The following LRRC37A variants were observed in gnomAD, a reference collection of about 807,000 sequenced individuals.
LRRC37A encodes leucine rich repeat containing 37A.
Under a neutral mutation model 35.4 loss-of-function variants are expected in LRRC37A, and 3 were observed. That is an observed-to-expected ratio of 0.08 (90% CI 0.04 to 0.22). The LOEUF (loss-of-function observed/expected upper bound fraction) is 0.22. Among genes scored for constraint, LRRC37A ranks in the 10% least tolerant of loss-of-function variants. The pLI, the probability that LRRC37A is intolerant of heterozygous loss-of-function variation, is 1.00. For missense variants in LRRC37A, 67 were observed against 565.3 expected (o/e 0.12, Z 8.94); for synonymous variants, 23 against 215.0 (o/e 0.11, Z 7.81).
At chr17:46,248,341 T>C in the LRRC37A span, among the ~76,000 whole-genome samples, 1 of 152,134 alleles carries the variant, frequency 6.6e-6, no homozygotes, top group South Asian at 2.1e-4. Flanking sequence ...ACATTCCCAA[T>C]ATAAAGCATT....
At chr17:46,284,275 C>T in the LRRC37A span, among the ~76,000 whole-genome samples, 1 of 152,246 alleles carries the variant, frequency 6.6e-6, no homozygotes, top group Non-Finnish European at 1.5e-5. Flanking sequence ...GGCAGAGGTC[C>T]CTGCGGCCTT....
chr17:46,252,789 G>C, the LRRC37A span, among the ~76,000 whole-genome samples: 3 of 152,256 alleles, frequency 2.0e-5, no homozygotes, highest in African/African-American at 7.2e-5. Flanking sequence ...ACACAGACAC[G>C]GCAACCATCC....
At chr17:46,275,339 C>T in the LRRC37A span, 639 of 921,562 alleles carry the variant, frequency 6.9e-4, 3 homozygotes, top group Non-Finnish European at 1.2e-4. Context: ...GTTCAGGCAA[C>T]AAGATTCTTG....
the LRRC37A span, among the ~76,000 whole-genome samples, chr17:46,266,273 C>G: frequency 6.6e-6 from 1 of 152,198 alleles, no homozygotes; most frequent in Non-Finnish European, 1.5e-5. Flanking sequence ...TCCCGAAACA[C>G]CCTTATTCTC....
chr17:46,289,783 T>A (rs1448042205), upstream of LRRC37A, among the ~76,000 whole-genome samples: 1 of 152,256 alleles, frequency 6.6e-6, no homozygotes, highest in Non-Finnish European at 1.5e-5. Context: ...AAAGAGTTTT[T>A]AATTTTTTTA....
chr17:46,332,459 TAAAA>T (rs1318003987), intron 9 of LRRC37A, 89 bp from the exon 10 acceptor site: 1 of 500,640 alleles, frequency 2.0e-6, no homozygotes, highest in Non-Finnish European at 3.5e-6. Context: ...TTCAAAAAAA[TAAAA>T]AAGAACCTGT....
At chr17:46,277,087 G>A in the LRRC37A span, among the ~76,000 whole-genome samples, 1 of 152,216 alleles carries the variant, frequency 6.6e-6, no homozygotes, top group South Asian at 2.1e-4. Flanking sequence ...TCACAGGTGT[G>A]AGCCACTGCA....
chr17:46,250,769 C>T, the LRRC37A span, among the ~76,000 whole-genome samples: 1 of 152,220 alleles, frequency 6.6e-6, no homozygotes, highest in Non-Finnish European at 1.5e-5. Context: ...TGACTCACAC[C>T]TGTAATCCCA....
At chr17:46,251,245 C>T in the LRRC37A span, among the ~76,000 whole-genome samples, 7 of 151,678 alleles carry the variant, frequency 4.6e-5, no homozygotes, top group Admixed American at 1.3e-4. Flanking sequence ...AGGTCAAGGA[C>T]GCTGCTTAAC....
chr17:46,266,890 A>C, the LRRC37A span: 1 of 327,254 alleles, frequency 3.1e-6, no homozygotes, highest in Admixed American at 5.1e-5. Context: ...AAGCCCCGAG[A>C]CGCGCGCGCT....
exon 10 of LRRC37A, chr17:46,332,567 C>G (rs2052036076): frequency 7.2e-7 from 1 of 1,393,500 alleles, no homozygotes; most frequent in African/African-American, 1.6e-5. Context: ...AAAAGAAGTT[C>G]CAGGATATGG....
chr17:46,274,083 G>T, the LRRC37A span, among the ~76,000 whole-genome samples: 2 of 152,228 alleles, frequency 1.3e-5, no homozygotes, highest in Non-Finnish European at 2.9e-5. Flanking sequence ...CTGTCCAGGA[G>T]AATTCCAGGT....
At chr17:46,283,178 T>C in the LRRC37A span, among the ~76,000 whole-genome samples, 2 of 152,206 alleles carry the variant, frequency 1.3e-5, no homozygotes, top group Non-Finnish European at 1.5e-5. Flanking sequence ...ACTATCAATT[T>C]ACCCTCCAAA....
At chr17:46,287,632 C>G in the LRRC37A span, among the ~76,000 whole-genome samples, 1 of 152,250 alleles carries the variant, frequency 6.6e-6, no homozygotes, top group Non-Finnish European at 1.5e-5. Flanking sequence ...TGGCATGGGC[C>G]ACTTTTTCAG....
intron 3 of LRRC37A, among the ~76,000 whole-genome samples, chr17:46,304,934 T>A (rs1341637892): frequency 1.5e-5 from 1 of 67,688 alleles, no homozygotes; most frequent in African/African-American, 3.5e-5. Flanking sequence ...AGTGGTGCGA[T>A]CTCGGCTCAC....
At chr17:46,278,268 C>A in the LRRC37A span, among the ~76,000 whole-genome samples, 10,084 of 151,498 alleles carry the variant, frequency 0.067, no homozygotes, top group Middle Eastern at 0.11. Context: ...TTATACTGCT[C>A]TTTCTTGTTT....
At chr17:46,275,436 A>G in the LRRC37A span, 1 of 903,268 alleles carries the variant, frequency 1.1e-6, no homozygotes, top group Non-Finnish European at 1.7e-6. Flanking sequence ...GTATAGAAAA[A>G]GGGAACAATT....
At chr17:46,317,200 T>C (rs3096457) in intron 5 of LRRC37A, among the ~76,000 whole-genome samples, 4 of 81,854 alleles carry the variant, frequency 4.9e-5, no homozygotes, top group African/African-American at 1.3e-4. Flanking sequence ...CAGTTAGTTT[T>C]AAATTTTTTG....
the LRRC37A span, among the ~76,000 whole-genome samples, chr17:46,257,415 T>C: frequency 2.0e-4 from 29 of 144,904 alleles, no homozygotes; most frequent in Non-Finnish European, 3.3e-4. Context: ...ATCGTGCCAC[T>C]GCACTCTAGC....
Sources: allele counts gnomAD v4.1 joint callset (sites outside exome capture counted in the v4.1 genomes callset), GRCh38; gene constraint gnomAD v4.1.1; transcripts MANE v1.5; gene names NCBI Gene and HGNC (gene_info 2026-07-23, HGNC 2026-07-21).